The following CNTNAP5 variants were observed in gnomAD, a reference collection of about 807,000 sequenced individuals.
The protein encoded by CNTNAP5 is contactin associated protein family member 5.
CNTNAP5 carries 72 observed loss-of-function variants against 150.2 expected under a neutral mutation model. The observed-to-expected ratio is 0.48, with a 90% CI of 0.40 to 0.58. The LOEUF (loss-of-function observed/expected upper bound fraction) is 0.58. CNTNAP5 is among the 20% of genes least tolerant of loss of function. CNTNAP5 has a pLI of 0.00. For synonymous variants in CNTNAP5, 672 were observed against 619.8 expected (o/e 1.08, Z -1.25); for missense variants, 1,636 against 1,626.2 (o/e 1.01, Z -0.10).
intron 13 of CNTNAP5, among the ~76,000 whole-genome samples, chr2:124,658,606 C>T (rs1285670683): frequency 6.6e-6 from 1 of 152,036 alleles, no homozygotes; most frequent in East Asian, 1.9e-4. Flanking sequence ...CTCCTCAGAA[C>T]ATACTTTCCT....
intron 21 of CNTNAP5, among the ~76,000 whole-genome samples, chr2:124,901,907 T>C (rs1678420919): frequency 6.6e-6 from 1 of 152,172 alleles, no homozygotes; most frequent in Admixed American, 6.5e-5. Flanking sequence ...ACATAATGCA[T>C]GCTTATAGAT....
intron 13 of CNTNAP5, among the ~76,000 whole-genome samples, chr2:124,673,242 T>TA (rs5834080): frequency 2.2e-4 from 34 of 151,730 alleles, no homozygotes; most frequent in East Asian, 7.8e-4. Flanking sequence ...TACATTCTCT[T>TA]AAAAAAAACA....
At chr2:124,873,089 A>G (rs999071057) in intron 21 of CNTNAP5, among the ~76,000 whole-genome samples, 1 of 152,124 alleles carries the variant, frequency 6.6e-6, no homozygotes, top group Admixed American at 6.6e-5. Context: ...TACAAGCTGT[A>G]TAAGAAGGAT....
intron 13 of CNTNAP5, among the ~76,000 whole-genome samples, chr2:124,660,039 G>GAAGA (rs78848298): frequency 8.5e-6 from 1 of 117,704 alleles, no homozygotes; most frequent in Non-Finnish European, 1.8e-5. Flanking sequence ...AGGAAGGAAG[G>GAAGA]AAGAAAGGAA....
intron 1 of CNTNAP5, among the ~76,000 whole-genome samples, chr2:124,053,347 C>CT (rs11407760): frequency 0.3 from 45,598 of 152,026 alleles, 7,120 homozygotes; most frequent in Admixed American, 0.37. Flanking sequence ...GTTCTGCTTC[C>CT]TTTTTCTGAT....
intron 8 of CNTNAP5, among the ~76,000 whole-genome samples, chr2:124,513,950 C>T (rs866688510): frequency 2.0e-5 from 3 of 152,192 alleles, no homozygotes; most frequent in Non-Finnish European, 2.9e-5. Flanking sequence ...ATCAAGTAAA[C>T]ATGACGAGGC....
intron 13 of CNTNAP5, among the ~76,000 whole-genome samples, chr2:124,741,007 G>A (rs1247014023): frequency 6.6e-6 from 1 of 152,046 alleles, no homozygotes; most frequent in Non-Finnish European, 1.5e-5. Context: ...TGGGGCAGTG[G>A]GTTTACTCCA....
At chr2:124,695,720 G>A (rs749441253) in intron 13 of CNTNAP5, among the ~76,000 whole-genome samples, 2 of 152,178 alleles carry the variant, frequency 1.3e-5, no homozygotes, top group Non-Finnish European at 2.9e-5. Flanking sequence ...ATTGGGTCCA[G>A]ATGGAGGGAG....
intron 3 of CNTNAP5, among the ~76,000 whole-genome samples, chr2:124,335,757 A>G (rs796248868): frequency 6.6e-6 from 1 of 151,928 alleles, no homozygotes; most frequent in Admixed American, 6.6e-5. Flanking sequence ...CCTTTTTGCC[A>G]GCTTGTCAGT....
intron 3 of CNTNAP5, among the ~76,000 whole-genome samples, chr2:124,396,238 A>C (rs1443772088): frequency 6.6e-6 from 1 of 152,240 alleles, no homozygotes; most frequent in Non-Finnish European, 1.5e-5. Context: ...ATAGTCTGAA[A>C]ATCACTATTT....
At position 124,452,209 on chromosome 2, in the gene CNTNAP5, G is replaced by A. The variant is rs118035693; in HGVS notation, c.918+5272G>A. On this transcript the variant is annotated intron_variant, in intron 6 of 23. Transcript: ENST00000682447. The stretch of plus-strand genomic sequence containing the variant: ...CTTGGTGCTATTGAGGGTGGGGCAC[G>A]GTGAGAGTGAGACCAGCCCTTTGTG... 3.6e-4 allele frequency among the ~76,000 whole-genome samples: 55 copies of A among 152,158 alleles called. No individual in the cohort carries two copies. In the East Asian group the frequency reaches 7.4e-3, roughly 20 times the overall value.
At chr2:124,591,576 C>A (rs966344020) in intron 11 of CNTNAP5, among the ~76,000 whole-genome samples, 2 of 152,098 alleles carry the variant, frequency 1.3e-5, no homozygotes, top group Non-Finnish European at 2.9e-5. Context: ...TGGATTTAGT[C>A]TTGATGAACA....
chr2:124,883,180 G>A (rs1678003082), intron 21 of CNTNAP5, among the ~76,000 whole-genome samples: 1 of 151,084 alleles, frequency 6.6e-6, no homozygotes, highest in African/African-American at 2.4e-5. Context: ...TCCCACCTCA[G>A]CCTCTCAAGT....
At chr2:124,487,642 C>T (rs1370246502) in intron 7 of CNTNAP5, among the ~76,000 whole-genome samples, 4 of 151,880 alleles carry the variant, frequency 2.6e-5, no homozygotes, top group South Asian at 2.1e-4. Flanking sequence ...AATGAGCTTG[C>T]CTAGAAGCTC....
At chr2:124,778,855 A>C (rs528117792) in intron 17 of CNTNAP5, among the ~76,000 whole-genome samples, 1 of 152,212 alleles carries the variant, frequency 6.6e-6, no homozygotes, top group Non-Finnish European at 1.5e-5. Flanking sequence ...AGAAAAAAAA[A>C]AAAGAGTTTC....
At chr2:124,126,327 C>T (rs940762729) in intron 1 of CNTNAP5, among the ~76,000 whole-genome samples, 3 of 152,168 alleles carry the variant, frequency 2.0e-5, no homozygotes, top group South Asian at 2.1e-4. Flanking sequence ...ATAAATTCCT[C>T]GACACATACA....
chr2:124,290,184 A>G (rs944134678), intron 3 of CNTNAP5, among the ~76,000 whole-genome samples: 1 of 152,236 alleles, frequency 6.6e-6, no homozygotes, highest in Middle Eastern at 3.4e-3. Flanking sequence ...TGAACTATTC[A>G]CTAAGTCATA....
At chr2:124,762,266 G>T (rs1272285932) in intron 14 of CNTNAP5, among the ~76,000 whole-genome samples, 1 of 151,976 alleles carries the variant, frequency 6.6e-6, no homozygotes, top group African/African-American at 2.4e-5. Context: ...TTTTCCTTTT[G>T]ATCTGTAGGA....
intron 10 of CNTNAP5, among the ~76,000 whole-genome samples, chr2:124,549,590 G>C (rs1026768175): frequency 2.0e-5 from 3 of 152,158 alleles, no homozygotes; most frequent in Non-Finnish European, 4.4e-5. Flanking sequence ...TGGTTTGGTT[G>C]CTAAATATTA....
Sources: gnomAD v4.1 joint callset for allele counts (sites outside exome capture counted in the v4.1 genomes callset) on GRCh38, gnomAD v4.1.1 for gene constraint, MANE v1.5 for transcripts, NCBI Gene and HGNC (gene_info 2026-07-23, HGNC 2026-07-21) for gene names.